PCDHGA1: variants seen among roughly 807,000 people sequenced by gnomAD.
The protein encoded by PCDHGA1 is protocadherin gamma subfamily A, 1, also known as protocadherin gamma-A1.
Under a neutral mutation model 58.0 loss-of-function variants are expected in PCDHGA1, and 32 were observed. The ratio of observed to expected loss-of-function variants is 0.55; its 90% CI spans 0.42 to 0.74. The LOEUF is 0.74. Ranked by LOEUF, PCDHGA1 falls within the 30% of genes least tolerant of loss-of-function variation. The pLI, the probability that PCDHGA1 is intolerant of heterozygous loss-of-function variation, is 0.00. For synonymous variants in PCDHGA1, 498 were observed against 501.1 expected (o/e 0.99, Z 0.08); for missense variants, 1,205 against 1,182.3 (o/e 1.02, Z -0.28).
chr5:141,398,472 C>T (rs2093659150), intron 1 of PCDHGA1: 1 of 1,606,348 alleles, frequency 6.2e-7, no homozygotes, highest in Non-Finnish European at 8.5e-7. Context: ...ATCCACTGAA[C>T]TTTTATCACG....
intron 1 of PCDHGA1, chr5:141,339,911 T>G (rs200811046): frequency 6.2e-7 from 1 of 1,614,012 alleles, no homozygotes; most frequent in African/African-American, 1.3e-5. Context: ...GGATGCTACA[T>G]TCCATGAAAT....
intron 1 of PCDHGA1, among the ~76,000 whole-genome samples, chr5:141,481,869 G>A (rs909237712): frequency 4.1e-5 from 6 of 146,780 alleles, no homozygotes; most frequent in East Asian, 2.0e-4. Flanking sequence ...AGCCGAGATC[G>A]CGCCACTGCA....
rs1389786201 is a variant in PCDHGA1, at chr5:141,486,949, G to A, written c.2422-7858G>A. 4 of 1,614,224 alleles carry A rather than the reference G, an allele frequency of 2.5e-6. No individual in the cohort carries two copies. Among genetic ancestry groups the A allele is most frequent in the African/African-American group, 2.7e-5 (2 of 75,064 alleles). ...TTGGTGCTGGCCACCTAATCACAAA[G>A]GTGACTGCTGTGGACTTGGATTCAG... On this transcript the variant is annotated intron_variant, in intron 1 of 3. Coordinates refer to ENST00000517417, the MANE Select transcript of PCDHGA1 (RefSeq NM_018912.3). The surrounding 1 kb of genome is among the most constrained non-coding windows in gnomAD (Gnocchi z 5.0).
chr5:141,360,168 G>A (rs1224518135), intron 1 of PCDHGA1: 2 of 1,608,034 alleles, frequency 1.2e-6, no homozygotes, highest in East Asian at 2.2e-5. Context: ...GCGGGCTGGT[G>A]CGGTGGCTGC....
At chr5:141,341,584 G>A in intron 1 of PCDHGA1, 1 of 1,169,318 alleles carries the variant, frequency 8.6e-7, no homozygotes, top group Non-Finnish European at 1.2e-6. Context: ...AGAGACGTGA[G>A]AATCTTTGTG....
At chr5:141,499,908 G>A (rs903753761) in intron 2 of PCDHGA1, among the ~76,000 whole-genome samples, 2 of 151,980 alleles carry the variant, frequency 1.3e-5, no homozygotes, top group African/African-American at 2.4e-5. Flanking sequence ...GGCTGGTCTT[G>A]AACTCCTGGC....
rs141095222 is a variant in PCDHGA1, at chr5:141,496,668, C to T, written c.2480+1803C>T. Reference sequence around the variant, plus strand: ...CCCTTCCTTTGACCCCAGCTGTTGTCCTTCTCCCTGCTGGCCTTGCCAACC... The same window carrying T: ...CCCTTCCTTTGACCCCAGCTGTTGTTCTTCTCCCTGCTGGCCTTGCCAACC... On this transcript the variant is annotated intron_variant, in intron 2 of 3. Coordinates refer to ENST00000517417, the MANE Select transcript of PCDHGA1 (RefSeq NM_018912.3). Among the ~76,000 whole-genome samples the T allele has an allele frequency of 1.3e-3, 204 of 152,328 alleles. 1 individual carries two copies. The highest frequency in any genetic ancestry group is 5.6e-3 in the Admixed American group (85 of 15,298).
chr5:141,462,240 A>G (rs375419703), intron 1 of PCDHGA1, among the ~76,000 whole-genome samples: 2 of 152,216 alleles, frequency 1.3e-5, no homozygotes, highest in South Asian at 4.1e-4. Context: ...GATTACAGGT[A>G]TGAGCCACCA....
At chr5:141,361,561 G>T (rs1762075666) in intron 1 of PCDHGA1, 2 of 1,614,032 alleles carry the variant, frequency 1.2e-6, no homozygotes, top group Admixed American at 1.7e-5. Context: ...TCAAATCAGT[G>T]CCTCTGACCC....
intron 1 of PCDHGA1, chr5:141,428,437 C>G: frequency 2.5e-6 from 1 of 400,386 alleles, no homozygotes; most frequent in East Asian, 5.4e-5. Flanking sequence ...TAAGACTAGA[C>G]CAGGGGTTTT....
At position 141,476,580 on chromosome 5, in the gene PCDHGA1, C is replaced by T. The variant is rs1463314107; in HGVS notation, c.2422-18227C>T. 6 of 1,614,126 alleles carry T rather than the reference C, an allele frequency of 3.7e-6. No homozygotes were observed. Among genetic ancestry groups the T allele is most frequent in the Non-Finnish European group, 5.1e-6 (6 of 1,180,052 alleles). The stretch of plus-strand genomic sequence containing the variant: ...GCCGTGGCTCCGGGGACGCGCTTTC[C>T]GCTCGAGAGCGCGCACGATCCCGAT... On this transcript the variant is annotated intron_variant, in intron 1 of 3. Transcript: ENST00000517417. This position sits in a 1 kb window ranked among gnomAD's most constrained non-coding sequence, Gnocchi z 7.6.
chr5:141,332,185 C>T lies in PCDHGA1; in HGVS notation c.1501C>T (p.Leu501=), dbSNP rs1756393458. 6.2e-7 allele frequency: 1 copy of T among 1,614,110 alleles called. No homozygotes were observed. The highest frequency in any genetic ancestry group is 1.3e-5 in the African/African-American group (1 of 74,940). Residue 501 remains leucine (L), a synonymous_variant, in exon 1 of 4, where the codon CTA becomes TTA. Coordinates refer to ENST00000517417, the MANE Select transcript of PCDHGA1 (RefSeq NM_018912.3). The surrounding 1 kb of genome is among the most constrained non-coding windows in gnomAD (Gnocchi z 4.6). ...LIEDTIQGAP[L]SAYLSINSDT... is the part of the protein sequence containing the mutation. The stretch of plus-strand genomic sequence containing the variant: ...AGAGGACACTATCCAGGGGGCACCC[C>T]TATCTGCCTACCTCTCCATCAACTC...
At chr5:141,430,392 A>G (rs2097281137) in intron 1 of PCDHGA1, among the ~76,000 whole-genome samples, 1 of 152,136 alleles carries the variant, frequency 6.6e-6, no homozygotes, top group Non-Finnish European at 1.5e-5. Context: ...GGAAAAAAAA[A>G]AAAAGCTCAC....
rs13158033 is a variant in PCDHGA1 at position 141,367,145 on chromosome 5, T to C, written c.2421+34040T>C. The C allele has an allele frequency of 2.1e-3, 361 of 168,776 alleles. 1 individual carries two copies. The highest frequency in any genetic ancestry group is 0.012 in the Middle Eastern group (4 of 326). 10.5% of individuals were successfully genotyped at this position (168,776 alleles called of 1,614,324 possible). A position where few individuals can be genotyped will look rare whatever the true frequency, so the allele number is the denominator to read the frequency against. ...AATGTGTTTTGGAAAGGATAATGTATAGGACTGATATTTTAGTCTACCTGA... is the reference window on the plus strand; with the variant it reads ...AATGTGTTTTGGAAAGGATAATGTACAGGACTGATATTTTAGTCTACCTGA... On this transcript the variant is annotated intron_variant, in intron 1 of 3. Transcript: ENST00000517417.
chr5:141,375,759 C>A lies in PCDHGA1; in HGVS notation c.2421+42654C>A, dbSNP rs757946718. 3.7e-6 allele frequency: 6 copies of A among 1,614,126 alleles called. No individual in the cohort carries two copies. The African/African-American group carries it at 5.3e-5, about 14-fold the overall frequency. ...TTTGTGCTGGACCAGAATGACAATG[C>A]GCCCGAGATCCTGTACCCCGCCCTC... On this transcript the variant is annotated intron_variant, in intron 1 of 3. Coordinates refer to ENST00000517417, the MANE Select transcript of PCDHGA1 (RefSeq NM_018912.3).
Position 141,508,665 on chromosome 5 carries a change from C to T in PCDHGA1, c.2570-2282C>T, listed in dbSNP as rs181641281. ...CGTCAGGCCCTTCCTGTCATTCTGT[C>T]TCTGCCTCCCTTCTCCCTGCTTCTC... On this transcript the variant is annotated intron_variant, in intron 3 of 3. Coordinates refer to ENST00000517417, the MANE Select transcript of PCDHGA1 (RefSeq NM_018912.3). Among the ~76,000 whole-genome samples the T allele has an allele frequency of 3.7e-3, 564 of 152,254 alleles. 5 individuals carry two copies. Among genetic ancestry groups the T allele is most frequent in the Admixed American group, 0.011 (164 of 15,296 alleles).
intron 1 of PCDHGA1, among the ~76,000 whole-genome samples, chr5:141,443,780 A>G (rs1337883957): frequency 6.6e-6 from 1 of 152,202 alleles, no homozygotes; most frequent in Non-Finnish European, 1.5e-5. Flanking sequence ...TACCAAAAAG[A>G]CAAAAAAAAT....
chr5:141,351,477 T>G, intron 1 of PCDHGA1: 1 of 1,613,832 alleles, frequency 6.2e-7, no homozygotes. Flanking sequence ...GCTGGAGCCC[T>G]AAACCGGGAG....
chr5:141,356,795 T>A (rs1217688832), intron 1 of PCDHGA1: 1 of 1,613,984 alleles, frequency 6.2e-7, no homozygotes, highest in East Asian at 2.2e-5. Context: ...CAGCTGCTGA[T>A]GACAGCCAGT....
Sources: allele counts gnomAD v4.1 joint callset (sites outside exome capture counted in the v4.1 genomes callset), GRCh38; gene constraint gnomAD v4.1.1; non-coding constraint Gnocchi (gnomAD v3.1); transcripts MANE v1.5; gene names NCBI Gene and HGNC (gene_info 2026-07-23, HGNC 2026-07-21).